The following SHC2 variants were observed in gnomAD, a reference collection of about 807,000 sequenced individuals.
The protein encoded by SHC2 is SHC adaptor protein 2.
SHC2 carries 62 observed loss-of-function variants against 60.6 expected under a neutral mutation model. The ratio of observed to expected loss-of-function variants is 1.02; its 90% CI spans 0.83 to 1.26. The LOEUF is 1.26. Among genes scored for constraint, SHC2 ranks in the 50% most tolerant of loss-of-function variants. The pLI, the probability that SHC2 is intolerant of heterozygous loss-of-function variation, is 0.00. For synonymous variants in SHC2, 375 were observed against 372.4 expected (o/e 1.01, Z -0.08); for missense variants, 873 against 822.2 (o/e 1.06, Z -0.76).
In SHC2 at chr19:419,339, T is replaced by C. The variant is rs1455664870; in HGVS notation, c.1621-283A>G. 23 of 390,912 alleles carry C rather than the reference T, an allele frequency of 5.9e-5. No individual in the cohort carries two copies. The Admixed American group carries it at 6.5e-4, about 11-fold the overall frequency. 24.2% of individuals were successfully genotyped at this position (390,912 alleles called of 1,614,324 possible). ...CGGCCAGGTCCCAGCCCTCAGAGCC[T>C]GTGAACGTGACCTCATTTGGAAAAA... On this transcript the variant is annotated intron_variant, in intron 11 of 12. Transcript: ENST00000264554.
chr19:458,224 GT>G (rs1466618591), intron 1 of SHC2, among the ~76,000 whole-genome samples: 1 of 131,742 alleles, frequency 7.6e-6, no homozygotes, highest in Non-Finnish European at 1.6e-5. Context: ...GCAGACGCGG[GT>G]TCCGGCGGAG....
chr19:444,027 AGGTGGATG>A (rs1344049481), intron 1 of SHC2, among the ~76,000 whole-genome samples: 1 of 67,080 alleles, frequency 1.5e-5, no homozygotes, highest in African/African-American at 5.9e-5. Flanking sequence ...ATGGATGTGT[AGGTGGATG>A]GGTGGATGGA....
intron 12 of SHC2, among the ~76,000 whole-genome samples, chr19:417,916 T>C (rs1008518748): frequency 5.9e-5 from 9 of 152,070 alleles, no homozygotes; most frequent in African/African-American, 2.2e-4. Flanking sequence ...GAGAGCGGCC[T>C]GACCTGGCCC....
rs374228236 is a variant in SHC2 at position 418,907 on chromosome 19, G to A, written c.*5+16C>T. 63 of 1,577,044 alleles carry A rather than the reference G, an allele frequency of 4.0e-5. No individual in the cohort carries two copies. Among genetic ancestry groups the A allele is most frequent in the South Asian group, 2.5e-4 (22 of 87,360 alleles). On this transcript the variant is annotated intron_variant, in intron 12 of 12. Transcript: ENST00000264554. ...AAAGGAGGCAAGGCCAGCGACCCAC[G>A]GCGGCAGCCACACACCTGGCTCAGG...
In SHC2 at chr19:443,898, A is replaced by G. The variant is rs552230201; in HGVS notation, c.469-2966T>C. Among the ~76,000 whole-genome samples, 1,134 of 121,842 alleles carry G rather than the reference A, an allele frequency of 9.3e-3. 20 individuals are homozygous for G. The highest frequency in any genetic ancestry group is 0.034 in the African/African-American group (1,058 of 31,180). 79.9% of individuals were successfully genotyped at this position (121,842 alleles called of 152,430 possible). On this transcript the variant is annotated intron_variant, in intron 1 of 12. Coordinates refer to ENST00000264554, the MANE Select transcript of SHC2 (RefSeq NM_012435.3). Reference sequence around the variant, plus strand: ...GATGTGTAGGTGGATGGGTGGGTGGATGGATGGATGGGTGGGTGGATGGAT... The same window carrying G: ...GATGTGTAGGTGGATGGGTGGGTGGGTGGATGGATGGGTGGGTGGATGGAT...
chr19:457,716 C>T (rs540932285), intron 1 of SHC2, among the ~76,000 whole-genome samples: 1 of 152,338 alleles, frequency 6.6e-6, no homozygotes, highest in East Asian at 1.9e-4. Context: ...ACAACCCTGG[C>T]GTCTGAATTC....
rs577645412 is a variant in SHC2, at chr19:437,607, G to A, written c.721-924C>T. ...AGTATCCTGTCCATATAGTGGTCAG[G>A]GGTCCATGCCTCGCAGGGTGGGGGC... On this transcript the variant is annotated intron_variant, in intron 4 of 12. Transcript: ENST00000264554. Among the ~76,000 whole-genome samples, 8 of 152,140 alleles carry A rather than the reference G, an allele frequency of 5.3e-5. No individual in the cohort carries two copies. The East Asian group carries it at 1.6e-3, about 29-fold the overall frequency.
At chr19:452,631 T>A (rs979157144) in intron 1 of SHC2, among the ~76,000 whole-genome samples, 1 of 152,078 alleles carries the variant, frequency 6.6e-6, no homozygotes, top group African/African-American at 2.4e-5. Flanking sequence ...TGACTTGGAG[T>A]TCCTGCGTAG....
At chr19:430,087 C>T (rs1333047635) in intron 9 of SHC2, among the ~76,000 whole-genome samples, 1 of 143,738 alleles carries the variant, frequency 7.0e-6, no homozygotes, top group Admixed American at 7.0e-5. Flanking sequence ...ACCTATATCC[C>T]AACGTGCACG....
At chr19:443,043 A>G (rs1212951968) in intron 1 of SHC2, among the ~76,000 whole-genome samples, 2 of 110,322 alleles carry the variant, frequency 1.8e-5, no homozygotes, top group African/African-American at 3.5e-5. Flanking sequence ...GAATGGATGG[A>G]TGGACGGGTG....
intron 9 of SHC2, among the ~76,000 whole-genome samples, chr19:428,999 C>T (rs1249712171): frequency 1.3e-5 from 2 of 150,986 alleles, no homozygotes; most frequent in East Asian, 3.9e-4. Flanking sequence ...GACGCAGTAC[C>T]TATATCCAAC....
At chr19:427,526 G>A (rs1216197561) in intron 9 of SHC2, among the ~76,000 whole-genome samples, 1 of 148,828 alleles carries the variant, frequency 6.7e-6, no homozygotes, top group African/African-American at 2.5e-5. Flanking sequence ...GCACGGCACA[G>A]GGAAGGGGAA....
Position 429,597 on chromosome 19 carries a change from A to ACGTG in SHC2, c.1174+1086_1174+1087insCACG, listed in dbSNP as rs1378354790. ...GTGGATGACGCAGTACCTATACCCA[A>ACGTG]CATGCAGAGAAACCTAATACCGTGT... On this transcript the variant is annotated intron_variant, in intron 9 of 12. Transcript: ENST00000264554. Among the ~76,000 whole-genome samples the ACGTG allele has an allele frequency of 2.6e-4, 38 of 145,394 alleles. 2 individuals are homozygous for ACGTG. The highest frequency in any genetic ancestry group is 9.8e-4 in the African/African-American group (37 of 37,666).
At chr19:458,305 G>A (rs1487095168) in intron 1 of SHC2, among the ~76,000 whole-genome samples, 3 of 131,962 alleles carry the variant, frequency 2.3e-5, no homozygotes, top group Admixed American at 2.2e-4. Context: ...GGAGGCGGAA[G>A]CGGGTCTTGG....
chr19:454,140 G>C (rs1422479153), intron 1 of SHC2, among the ~76,000 whole-genome samples: 3 of 152,192 alleles, frequency 2.0e-5, no homozygotes, highest in Non-Finnish European at 2.9e-5. Flanking sequence ...TGCTGCCTGT[G>C]ACCACTTGAG....
chr19:425,654 C>T lies in SHC2; in HGVS notation c.1175-423G>A, dbSNP rs952598330. On this transcript the variant is annotated intron_variant, in intron 9 of 12. Transcript: ENST00000264554. The surrounding 1 kb of genome is among the most constrained non-coding windows in gnomAD (Gnocchi z 4.1). ...GTAATTATGCTATCAACATGACGCA[C>T]GGAGGGTCACTTATTCTGACTCAGT... Among the ~76,000 whole-genome samples the T allele has an allele frequency of 2.6e-5, 4 of 152,218 alleles. No homozygotes were observed. The highest frequency in any genetic ancestry group is 2.9e-5 in the Non-Finnish European group (2 of 68,042).
chr19:437,012 C>A (rs1009514326), intron 4 of SHC2, among the ~76,000 whole-genome samples: 1 of 152,106 alleles, frequency 6.6e-6, no homozygotes, highest in African/African-American at 2.4e-5. Context: ...CACACACACA[C>A]CCCAAGCCCC....
intron 1 of SHC2, among the ~76,000 whole-genome samples, chr19:454,210 C>T (rs2145753768): frequency 6.6e-6 from 1 of 152,346 alleles, no homozygotes; most frequent in East Asian, 1.9e-4. Context: ...CGAGGCCCAG[C>T]CGCCCATGTG....
At position 441,213 on chromosome 19, in the gene SHC2, G is replaced by A. The variant is rs539023064; in HGVS notation, c.469-281C>T. On this transcript the variant is annotated intron_variant, in intron 1 of 12. Coordinates refer to ENST00000264554, the MANE Select transcript of SHC2 (RefSeq NM_012435.3). The surrounding 1 kb of genome is among the most constrained non-coding windows in gnomAD (Gnocchi z 4.9). ...CTCTATGCTGCTTGTTCATTTAACC[G>A]TCTTGCCCTCGTCGGTCTCTTTCTG... 9.3e-5 allele frequency: 90 copies of A among 967,390 alleles called. No homozygotes were observed. The East Asian group carries it at 1.6e-3, about 18-fold the overall frequency. 59.9% of individuals were successfully genotyped at this position (967,390 alleles called of 1,614,324 possible).
Sources: gnomAD v4.1 joint callset for allele counts (sites outside exome capture counted in the v4.1 genomes callset) on GRCh38, gnomAD v4.1.1 for gene constraint, Gnocchi (gnomAD v3.1) non-coding constraint, MANE v1.5 for transcripts, NCBI Gene and HGNC (gene_info 2026-07-23, HGNC 2026-07-21) for gene names.